Variants in LRRTM4 observed in about 807,000 individuals in gnomAD.
LRRTM4 encodes the protein leucine rich repeat transmembrane neuronal 4.
In LRRTM4, 25 loss-of-function variants were observed where a neutral mutation model predicts 47.6. The ratio of observed to expected loss-of-function variants is 0.53; its 90% CI spans 0.38 to 0.73. The LOEUF is 0.73. LRRTM4 is among the 30% of genes least tolerant of loss of function. The pLI, the probability that LRRTM4 is intolerant of heterozygous loss-of-function variation, is 0.00. For synonymous variants in LRRTM4, 311 were observed against 269.5 expected (o/e 1.15, Z -1.51); for missense variants, 638 against 713.4 (o/e 0.89, Z 1.20).
chr2:77,114,035 G>T (rs1296478036), intron 3 of LRRTM4, among the ~76,000 whole-genome samples: 1 of 152,132 alleles, frequency 6.6e-6, no homozygotes, highest in East Asian at 1.9e-4. Flanking sequence ...CATCAGGTGG[G>T]GGAGGAGTAG....
In LRRTM4 at chr2:77,357,678, A is replaced by G. The variant is rs1378453047; in HGVS notation, c.1551+160640T>C. ...CAGCACACTTGGAAACTTAACTAAA[A>G]CTTTTATAAATTTAAGATTAAAATG... On this transcript the variant is annotated intron_variant, in intron 3 of 3. Transcript: ENST00000409884. Among the ~76,000 whole-genome samples, 3 of 152,274 alleles carry G rather than the reference A, an allele frequency of 2.0e-5. No homozygotes were observed. In the East Asian group the frequency reaches 5.8e-4, roughly 29 times the overall value.
intron 3 of LRRTM4, among the ~76,000 whole-genome samples, chr2:77,185,868 A>T (rs868061376): frequency 4.5e-4 from 68 of 152,060 alleles, no homozygotes; most frequent in African/African-American, 1.5e-3. Context: ...AGTCACTAAA[A>T]CTCTTTAACT....
chr2:77,184,445 T>C (rs1366343233), intron 3 of LRRTM4, among the ~76,000 whole-genome samples: 1 of 152,110 alleles, frequency 6.6e-6, no homozygotes, highest in Non-Finnish European at 1.5e-5. Flanking sequence ...ACCGATTCCC[T>C]ATAAAAAATG....
intron 3 of LRRTM4, among the ~76,000 whole-genome samples, chr2:76,930,239 CT>C (rs1231782906): frequency 2.0e-5 from 3 of 152,092 alleles, no homozygotes; most frequent in African/African-American, 7.2e-5. Context: ...CTAGGTAAGT[CT>C]CTTGGGGGCC....
intron 3 of LRRTM4, among the ~76,000 whole-genome samples, chr2:76,797,232 T>G (rs569999811): frequency 6.6e-6 from 1 of 151,898 alleles, no homozygotes; most frequent in African/African-American, 2.4e-5. Flanking sequence ...CGGGTTACCC[T>G]CAAAGGGAAG....
In LRRTM4 at chr2:77,178,189, G is replaced by A. The variant is rs1157511857; in HGVS notation, c.1551+340129C>T. On this transcript the variant is annotated intron_variant, in intron 3 of 3. Coordinates refer to ENST00000409884, the MANE Select transcript of LRRTM4 (RefSeq NM_001134745.3). Reference sequence around the variant, plus strand: ...ATATAAAATGTAGAAATTGCATGTAGGAAAATATAAAAACTACCTGGAATT... The same window carrying A: ...ATATAAAATGTAGAAATTGCATGTAAGAAAATATAAAAACTACCTGGAATT... 2.0e-5 allele frequency among the ~76,000 whole-genome samples: 3 copies of A among 151,986 alleles called. No homozygotes were observed. The East Asian group carries it at 5.8e-4, about 29-fold the overall frequency.
At chr2:77,120,043 T>C (rs1379558433) in intron 3 of LRRTM4, among the ~76,000 whole-genome samples, 1 of 151,854 alleles carries the variant, frequency 6.6e-6, no homozygotes, top group Non-Finnish European at 1.5e-5. Context: ...ATAGCTTTCA[T>C]GTAGTGACTC....
At chr2:77,024,564 AT>A (rs140609403) in intron 3 of LRRTM4, among the ~76,000 whole-genome samples, 6,331 of 150,376 alleles carry the variant, frequency 0.042, 409 homozygotes, top group African/African-American at 0.14. Context: ...GAAAAATCAC[AT>A]TTTTTTTTGT....
At chr2:77,135,353 C>A (rs1229869250) in intron 3 of LRRTM4, among the ~76,000 whole-genome samples, 1 of 152,164 alleles carries the variant, frequency 6.6e-6, no homozygotes, top group East Asian at 1.9e-4. Context: ...CATGCCCATG[C>A]CCCCTTCTGT....
intron 3 of LRRTM4, among the ~76,000 whole-genome samples, chr2:76,952,046 G>T (rs908141111): frequency 2.0e-5 from 3 of 152,034 alleles, no homozygotes; most frequent in Non-Finnish European, 4.4e-5. Context: ...CATTTGGGTT[G>T]GTTCCAAGTC....
chr2:76,813,270 T>C (rs571107367), intron 3 of LRRTM4, among the ~76,000 whole-genome samples: 40 of 152,262 alleles, frequency 2.6e-4, no homozygotes, highest in Non-Finnish European at 4.6e-4. Context: ...TGGGGAATTG[T>C]TTATAGGAAT....
intron 3 of LRRTM4, among the ~76,000 whole-genome samples, chr2:77,319,056 TATC>T (rs1160711040): frequency 1.3e-5 from 2 of 152,058 alleles, no homozygotes; most frequent in East Asian, 3.9e-4. Flanking sequence ...TACAGTTAAT[TATC>T]ATGGGTATAG....
At chr2:76,772,072 C>T (rs546569607) in intron 3 of LRRTM4, among the ~76,000 whole-genome samples, 32 of 152,132 alleles carry the variant, frequency 2.1e-4, no homozygotes, top group Non-Finnish European at 1.5e-4. Flanking sequence ...ATGTTGAGAT[C>T]GTAACACCCA....
intron 3 of LRRTM4, among the ~76,000 whole-genome samples, chr2:77,061,060 T>C (rs1405128878): frequency 6.6e-6 from 1 of 151,910 alleles, no homozygotes; most frequent in East Asian, 1.9e-4. Context: ...AGTCCTAGTT[T>C]TGCCACTTCC....
At chr2:77,339,808 C>T (rs1157340325) in intron 3 of LRRTM4, among the ~76,000 whole-genome samples, 1 of 151,850 alleles carries the variant, frequency 6.6e-6, no homozygotes, top group Non-Finnish European at 1.5e-5. Context: ...AAAAGGGGCT[C>T]ACTCTCCTGA....
chr2:76,827,650 G>A (rs1671225649), intron 3 of LRRTM4, among the ~76,000 whole-genome samples: 1 of 151,846 alleles, frequency 6.6e-6, no homozygotes, highest in African/African-American at 2.4e-5. Flanking sequence ...AGATGTATAT[G>A]AGGATAATAA....
chr2:76,933,077 C>T (rs1674826960), intron 3 of LRRTM4, among the ~76,000 whole-genome samples: 1 of 151,880 alleles, frequency 6.6e-6, no homozygotes, highest in Non-Finnish European at 1.5e-5. Flanking sequence ...TAAGCATTAA[C>T]CATTAAGATA....
chr2:77,146,635 A>G (rs2103774870), intron 3 of LRRTM4, among the ~76,000 whole-genome samples: 1 of 152,296 alleles, frequency 6.6e-6, no homozygotes, highest in East Asian at 1.9e-4. Context: ...ATTTCCATTA[A>G]AAGTCACAGA....
chr2:77,122,551 TACAC>T (rs1453287528), intron 3 of LRRTM4, among the ~76,000 whole-genome samples: 1 of 150,754 alleles, frequency 6.6e-6, no homozygotes, highest in African/African-American at 2.4e-5. Context: ...CACACACACA[TACAC>T]ATATATATAA....
Sources: gnomAD v4.1 joint callset for allele counts (sites outside exome capture counted in the v4.1 genomes callset) on GRCh38, gnomAD v4.1.1 for gene constraint, MANE v1.5 for transcripts, NCBI Gene and HGNC (gene_info 2026-07-23, HGNC 2026-07-21) for gene names.